Variants in CNTN3 observed in about 807,000 individuals in gnomAD.
The protein encoded by CNTN3 is contactin-3.
CNTN3 carries 60 observed loss-of-function variants against 119.1 expected under a neutral mutation model. The ratio of observed to expected loss-of-function variants is 0.50; its 90% CI spans 0.41 to 0.62. The LOEUF (loss-of-function observed/expected upper bound fraction) is 0.62, where lower values mean the gene tolerates loss of function less well. CNTN3 is among the 20% of genes least tolerant of loss of function. The pLI, the probability that CNTN3 is intolerant of heterozygous loss-of-function variation, is 0.00. For missense variants in CNTN3, 1,101 were observed against 1,242.4 expected (o/e 0.89, Z 1.71); for synonymous variants, 450 against 438.7 (o/e 1.03, Z -0.32).
At chr3:74,483,035 G>C (rs1164868890) in intron 4 of CNTN3, among the ~76,000 whole-genome samples, 3 of 152,024 alleles carry the variant, frequency 2.0e-5, no homozygotes, top group Non-Finnish European at 4.4e-5. Context: ...CCAGTCCAAT[G>C]TGGTGTCAGG....
At chr3:74,309,899 G>C (rs907765505) in intron 13 of CNTN3, among the ~76,000 whole-genome samples, 1 of 152,150 alleles carries the variant, frequency 6.6e-6, no homozygotes, top group East Asian at 1.9e-4. Flanking sequence ...TCATTTCCTT[G>C]ACATGACATT....
At chr3:74,281,193 G>A (rs1701999816) in intron 20 of CNTN3, among the ~76,000 whole-genome samples, 1 of 152,148 alleles carries the variant, frequency 6.6e-6, no homozygotes. Context: ...GCAGGGAAGT[G>A]ACATTATCAG....
intron 5 of CNTN3, among the ~76,000 whole-genome samples, chr3:74,383,762 G>A (rs1235059781): frequency 6.6e-6 from 1 of 152,172 alleles, no homozygotes; most frequent in Non-Finnish European, 1.5e-5. Context: ...TGGGATTATA[G>A]GTATGAGCCA....
intron 20 of CNTN3, among the ~76,000 whole-genome samples, chr3:74,271,716 T>C (rs1420986688): frequency 6.6e-6 from 1 of 152,198 alleles, no homozygotes; most frequent in Non-Finnish European, 1.5e-5. Flanking sequence ...TGGACTTCAC[T>C]TAAGATAATT....
intron 4 of CNTN3, among the ~76,000 whole-genome samples, chr3:74,429,035 C>T (rs940307265): frequency 6.6e-6 from 1 of 152,124 alleles, no homozygotes; most frequent in African/African-American, 2.4e-5. Flanking sequence ...ATAATAAGTA[C>T]ATACTATGAT....
chr3:74,597,517 G>A (rs1704833434), intron 1 of CNTN3, among the ~76,000 whole-genome samples: 1 of 151,994 alleles, frequency 6.6e-6, no homozygotes, highest in South Asian at 2.1e-4. Context: ...AATTATTCAT[G>A]ATATTGATCA....
chr3:74,473,867 G>C (rs1009082817), intron 4 of CNTN3, among the ~76,000 whole-genome samples: 8 of 152,156 alleles, frequency 5.3e-5, no homozygotes, highest in African/African-American at 1.9e-4. Flanking sequence ...GAAGTGCAGG[G>C]AAGAGGAAGG....
chr3:74,482,799 T>C (rs760934763), intron 4 of CNTN3, among the ~76,000 whole-genome samples: 1 of 152,166 alleles, frequency 6.6e-6, no homozygotes, highest in Non-Finnish European at 1.5e-5. Context: ...TCCTCTGAAG[T>C]CATGAGCATC....
intron 20 of CNTN3, among the ~76,000 whole-genome samples, chr3:74,278,599 A>G (rs1701930280): frequency 6.6e-6 from 1 of 152,220 alleles, no homozygotes; most frequent in Admixed American, 6.5e-5. Flanking sequence ...CCTTATACAA[A>G]AATCAACCCA....
At chr3:74,556,982 G>C (rs1704078706) in intron 1 of CNTN3, among the ~76,000 whole-genome samples, 1 of 152,100 alleles carries the variant, frequency 6.6e-6, no homozygotes, top group Admixed American at 6.6e-5. Flanking sequence ...GTTTTCAACA[G>C]GTTTGTCTTT....
At chr3:74,451,346 C>A (rs1237898559) in intron 4 of CNTN3, among the ~76,000 whole-genome samples, 2 of 152,120 alleles carry the variant, frequency 1.3e-5, no homozygotes, top group Admixed American at 1.3e-4. Flanking sequence ...CCATTGCCCC[C>A]TTTTTGATGG....
chr3:74,302,840 AT>A (rs768798778), intron 13 of CNTN3, 33 bp from the exon 14 acceptor site: 4 of 1,366,272 alleles, frequency 2.9e-6, no homozygotes, highest in Non-Finnish European at 4.1e-6. Context: ...ATACACTGTT[AT>A]TTTTTTAAAA....
intron 1 of CNTN3, among the ~76,000 whole-genome samples, chr3:74,592,855 G>C (rs1046278035): frequency 4.6e-5 from 7 of 151,864 alleles, no homozygotes; most frequent in African/African-American, 1.7e-4. Context: ...TCCCCAAAAA[G>C]AGATTCTCTT....
intron 13 of CNTN3, among the ~76,000 whole-genome samples, chr3:74,330,818 T>C (rs915475695): frequency 1.3e-4 from 20 of 152,090 alleles, no homozygotes; most frequent in Middle Eastern, 3.4e-3. Context: ...CCTTTGTGTA[T>C]TCATTTTTGA....
At chr3:74,475,240 C>G (rs1020066668) in intron 4 of CNTN3, among the ~76,000 whole-genome samples, 1 of 152,072 alleles carries the variant, frequency 6.6e-6, no homozygotes, top group Non-Finnish European at 1.5e-5. Context: ...TTCAAGAAAA[C>G]GTAGAATTCT....
At chr3:74,326,797 T>C (rs1403830384) in intron 13 of CNTN3, among the ~76,000 whole-genome samples, 1 of 152,186 alleles carries the variant, frequency 6.6e-6, no homozygotes, top group African/African-American at 2.4e-5. Flanking sequence ...AGTCACCTTT[T>C]ATTTGTTTCA....
chr3:74,312,044 G>C (rs1702696558), intron 13 of CNTN3, among the ~76,000 whole-genome samples: 1 of 151,996 alleles, frequency 6.6e-6, no homozygotes. Flanking sequence ...GCCTCAGAGA[G>C]TTCTACTGGG....
At chr3:74,513,490 A>G (rs1338079853) in intron 2 of CNTN3, among the ~76,000 whole-genome samples, 3 of 152,138 alleles carry the variant, frequency 2.0e-5, no homozygotes, top group Admixed American at 2.0e-4. Context: ...AGGTCAGCAG[A>G]CACTAGAAAG....
rs1043403913 is a variant in CNTN3 at position 74,460,444 on chromosome 3, G to A, written c.358+26012C>T. Among the ~76,000 whole-genome samples, 4 of 151,774 alleles carry A rather than the reference G, an allele frequency of 2.6e-5. No individual in the cohort carries two copies. The East Asian group carries it at 7.8e-4, about 30-fold the overall frequency. On this transcript the variant is annotated intron_variant, in intron 4 of 22. Coordinates refer to ENST00000263665, the MANE Select transcript of CNTN3 (RefSeq NM_020872.3). ...ATGTCTCTCCATTTATTATATTTAG[G>A]TCTTCTTTGATTTCTTTTGTCAGCT...
Sources: gnomAD v4.1 joint callset for allele counts (sites outside exome capture counted in the v4.1 genomes callset) on GRCh38, gnomAD v4.1.1 for gene constraint, MANE v1.5 for transcripts, NCBI Gene and HGNC (gene_info 2026-07-23, HGNC 2026-07-21) for gene names.